The following CARD14 variants were observed in gnomAD, a reference collection of about 807,000 sequenced individuals.
CARD14 encodes the protein caspase recruitment domain family member 14.
A neutral mutation model predicts 111.5 loss-of-function variants in CARD14; 107 were observed. The ratio of observed to expected loss-of-function variants is 0.96; its 90% CI spans 0.82 to 1.13. The LOEUF is 1.13. CARD14 is among the 50% of genes most tolerant of loss of function. The probability of loss-of-function intolerance (pLI) is 0.00; values close to 1 mark genes in which losing one functional copy is unlikely to be tolerated. For synonymous variants in CARD14, 617 were observed against 579.6 expected (o/e 1.06, Z -0.93); for missense variants, 1,322 against 1,362.3 (o/e 0.97, Z 0.47).
intron 1 of CARD14, among the ~76,000 whole-genome samples, 193 bp from the exon 2 acceptor site, chr17:80,172,713 G>T (rs766980928): frequency 9.2e-5 from 14 of 152,032 alleles, no homozygotes; most frequent in Non-Finnish European, 1.9e-4. Context: ...AGTCATAAAA[G>T]GACTGTCCCA....
chr17:80,171,767 G>T (rs2039908903), intron 1 of CARD14, among the ~76,000 whole-genome samples: 1 of 152,216 alleles, frequency 6.6e-6, no homozygotes, highest in Admixed American at 6.5e-5. Context: ...TTCAGCTGCT[G>T]GTGAGGCAGC....
At chr17:80,194,323 T>G (rs867620943) in intron 12 of CARD14, among the ~76,000 whole-genome samples, 2 of 152,118 alleles carry the variant, frequency 1.3e-5, no homozygotes, top group African/African-American at 2.4e-5. Flanking sequence ...TGTCCTCAGA[T>G]GTACATCTGA....
Position 80,205,928 on chromosome 17 carries a change from G to A in CARD14, c.2691+276G>A, listed in dbSNP as rs1389906193. 5 of 329,846 alleles carry A rather than the reference G, an allele frequency of 1.5e-5. No homozygotes were observed. The East Asian group carries it at 2.2e-4, about 15-fold the overall frequency. The allele number at this position is 329,846 out of a possible 1,614,324, so 20.4% of individuals were successfully genotyped here. A position where few individuals can be genotyped will look rare whatever the true frequency, so the allele number is the denominator to read the frequency against. On this transcript the variant is annotated intron_variant, in intron 22 of 23. Transcript: ENST00000648509. Reference sequence around the variant, plus strand: ...TTTGTTCGAGAATGAATAAATCCGAGCTAACAACACTCTCCACGTTTGAAG... The same window carrying A: ...TTTGTTCGAGAATGAATAAATCCGAACTAACAACACTCTCCACGTTTGAAG...
intron 9 of CARD14, among the ~76,000 whole-genome samples, chr17:80,190,487 C>A (rs533653267): frequency 3.8e-4 from 58 of 152,114 alleles, no homozygotes; most frequent in African/African-American, 1.4e-3. Context: ...GTGGTGTGTG[C>A]CTGTAATCCC....
chr17:80,208,520 G>A lies in CARD14; in HGVS notation c.*175G>A, dbSNP rs2041480961. The A allele has an allele frequency of 1.8e-6, 1 of 554,940 alleles. No individual in the cohort carries two copies. The highest frequency in any genetic ancestry group is 1.9e-5 in the African/African-American group (1 of 52,690). 34.4% of individuals were successfully genotyped at this position (554,940 alleles called of 1,614,324 possible). ...TCACCACGTGCAGGTCACACACAGT[G>A]AAGCCACTTGTAACTGCACACTTTT... On this transcript the variant is annotated 3_prime_UTR_variant, in exon 24 of 24. Transcript: ENST00000648509.
In CARD14 at chr17:80,208,957, G is replaced by A. The variant is rs2041505168; in HGVS notation, c.*612G>A. ...GTTTACTTGTAAATAAAGCCTCTGC[G>A]TGGTGGAGACGGTACTTTCAGTGGG... On this transcript the variant is annotated 3_prime_UTR_variant, in exon 24 of 24. Transcript: ENST00000648509. The A allele has an allele frequency of 6.6e-6, 1 of 152,274 alleles. No homozygotes were observed. Among genetic ancestry groups the A allele is most frequent in the Admixed American group, 6.5e-5 (1 of 15,294 alleles). 9.4% of individuals were successfully genotyped at this position (152,274 alleles called of 1,614,324 possible).
Position 80,190,832 on chromosome 17 carries a change from A to G in CARD14, c.1022A>G (p.Gln341Arg), listed in dbSNP as rs747346746. Residue 341 changes from glutamine to arginine, a missense_variant, in exon 10 of 24, where the codon CAA (glutamine) becomes CGA (arginine). Physicochemically the swap from Gln to Arg is conservative, Grantham distance 43. Transcript: ENST00000648509. ...LQFQKSKMAC[Q>R]LYREKVNALQ... The stretch of plus-strand genomic sequence containing the variant: ...TTCCAGAAGAGTAAGATGGCCTGCC[A>G]ACTCTACAGGGAGAAGGTGAATGCG... 6.2e-7 allele frequency: 1 copy of G among 1,614,122 alleles called. No homozygotes were observed. The highest frequency in any genetic ancestry group is 8.5e-7 in the Non-Finnish European group (1 of 1,180,036).
chr17:80,190,527 C>T (rs2040489560), intron 9 of CARD14, among the ~76,000 whole-genome samples: 1 of 151,432 alleles, frequency 6.6e-6, no homozygotes, highest in Non-Finnish European at 1.5e-5. Context: ...GCACGAGAAT[C>T]GCTTGAACCC....
Position 80,188,673 on chromosome 17 carries a change from T to C in CARD14, c.843+129T>C. 1.0e-6 allele frequency: 1 copy of C among 952,696 alleles called. No homozygotes were observed. Among genetic ancestry groups the C allele is most frequent in the Non-Finnish European group, 1.4e-6 (1 of 712,936 alleles). 59.0% of individuals were successfully genotyped at this position (952,696 alleles called of 1,614,324 possible). A position where few individuals can be genotyped will look rare whatever the true frequency, so the allele number is the denominator to read the frequency against. On this transcript the variant is annotated intron_variant, in intron 8 of 23. Transcript: ENST00000648509. The surrounding 1 kb of genome is among the most constrained non-coding windows in gnomAD (Gnocchi z 4.5). ...ACAAGAGATGAAATTTAGTGACTCA[T>C]CTCACCCACTTTCTCTTTACCTCCT... is the stretch of plus-strand genomic sequence containing the variant.
At chr17:80,176,137 A>C (rs950595080) in intron 2 of CARD14, among the ~76,000 whole-genome samples, 1 of 148,222 alleles carries the variant, frequency 6.7e-6, no homozygotes, top group African/African-American at 2.5e-5. Context: ...CTTTGTTGAA[A>C]TATAACTCAC....
intron 4 of CARD14, among the ~76,000 whole-genome samples, 151 bp downstream of exon 4, chr17:80,179,452 T>C (rs2040102001): frequency 6.6e-6 from 1 of 152,232 alleles, no homozygotes; most frequent in South Asian, 2.1e-4. Flanking sequence ...CAGCTAACAC[T>C]GAAGGCACTG....
At chr17:80,184,414 G>A (rs190349074) in intron 7 of CARD14, among the ~76,000 whole-genome samples, 176 bp downstream of exon 7, 2 of 152,204 alleles carry the variant, frequency 1.3e-5, no homozygotes, top group Non-Finnish European at 2.9e-5. Flanking sequence ...TCCCCAGGAG[G>A]CCACCCAGGC....
At chr17:80,200,334 T>A (rs2040908511) in intron 16 of CARD14, among the ~76,000 whole-genome samples, 2 of 149,170 alleles carry the variant, frequency 1.3e-5, no homozygotes, top group Non-Finnish European at 3.0e-5. Flanking sequence ...CCCCCTGGGT[T>A]CAAGCGATTC....
Position 80,198,710 on chromosome 17 carries a change from C to CCT in CARD14, c.1851+122_1851+123dup, listed in dbSNP as rs767122556. On this transcript the variant is annotated intron_variant, in intron 16 of 23. Transcript: ENST00000648509. This position sits in a 1 kb window ranked among gnomAD's most constrained non-coding sequence, Gnocchi z 7.5. ...CGATGCAGATCCACTCTGGGCTGGG[C>CCT]CTCTGCTCTTTCCTGGGCTGACGTA... 1 of 1,588,646 alleles carries CCT rather than the reference C, an allele frequency of 6.3e-7. No individual in the cohort carries two copies. The highest frequency in any genetic ancestry group is 1.3e-5 in the African/African-American group (1 of 74,498).
rs993221979 is a variant in CARD14 at position 80,204,319 on chromosome 17, G to T, written c.2376G>T (p.Gln792His). 6.3e-7 allele frequency: 1 copy of T among 1,587,480 alleles called. No individual in the cohort carries two copies. The highest frequency in any genetic ancestry group is 1.3e-5 in the African/African-American group (1 of 74,444). ...SPLRLSFDRG[Q>H]LDPSRMEGSS... ...TGCGTTTGTCCTTTGACAGGGGCCA[G>T]TTGGACCCCAGCAGGATGGAGGGTG... Residue 792 changes from glutamine (Q) to histidine (H), a missense_variant, in exon 20 of 24, where the codon CAG (glutamine) becomes CAT (histidine). Coordinates refer to ENST00000648509, the MANE Select transcript of CARD14 (RefSeq NM_001366385.1).
intron 2 of CARD14, among the ~76,000 whole-genome samples, chr17:80,175,964 T>G (rs1364343846): frequency 1.8e-4 from 8 of 43,892 alleles, no homozygotes; most frequent in Non-Finnish European, 2.7e-4. Context: ...TTTTTTTTTT[T>G]TTTTTTTTTT....
chr17:80,190,976 G>T, intron 10 of CARD14, 77 bp downstream of exon 10: 1 of 1,550,238 alleles, frequency 6.5e-7, no homozygotes, highest in Non-Finnish European at 8.7e-7. Context: ...GGACAGTCTC[G>T]TGGCTCCCTG....
rs144475004 is a variant in CARD14, at chr17:80,184,089, G to C, written c.526G>C (p.Asp176His). The C allele has an allele frequency of 1.4e-3, 2,151 of 1,583,302 alleles. 20 individuals are homozygous for C. In the East Asian group the frequency reaches 0.02, roughly 15 times the overall value. The change falls in exon 7 of 24, where the codon GAC (aspartate) becomes CAC (histidine). Residue 176 changes from aspartate (D) to histidine (H), a missense_variant. Transcript: ENST00000648509. The part of the protein sequence containing the change: ...RAEGLHQLEA[D>H]HSRMKREVSA... ...CGAGGGCCTGCACCAGCTGGAGGCT[G>C]ACCACAGCCGCATGAAGCGTGAGGT...
Position 80,188,320 on chromosome 17 carries a change from C to G in CARD14, c.676-57C>G. On this transcript the variant is annotated intron_variant, in intron 7 of 23. Transcript: ENST00000648509. The surrounding 1 kb of genome is among the most constrained non-coding windows in gnomAD (Gnocchi z 4.5). ...GGAAGGGTGAGAAATGCCCCCAGCT[C>G]CTGATCAGGGGAGAAGCTGTTTCCA... 1.3e-6 allele frequency: 2 copies of G among 1,540,192 alleles called. No individual in the cohort carries two copies. Among genetic ancestry groups the G allele is most frequent in the East Asian group, 2.5e-5 (1 of 40,316 alleles).
Sources: allele counts gnomAD v4.1 joint callset (sites outside exome capture counted in the v4.1 genomes callset), GRCh38; gene constraint gnomAD v4.1.1; non-coding constraint Gnocchi (gnomAD v3.1); transcripts MANE v1.5; gene names NCBI Gene and HGNC (gene_info 2026-07-23, HGNC 2026-07-21).